The following DOC2B variants were observed in gnomAD, a reference collection of about 807,000 sequenced individuals.
DOC2B encodes the protein double C2-like domain-containing protein beta.
A neutral mutation model predicts 28.9 loss-of-function variants in DOC2B; 21 were observed. The ratio of observed to expected loss-of-function variants is 0.73; its 90% CI spans 0.52 to 1.05. The LOEUF (loss-of-function observed/expected upper bound fraction) is 1.05. Among genes scored for constraint, DOC2B ranks in the 50% least tolerant of loss-of-function variants. The probability of loss-of-function intolerance (pLI) is 0.00; values close to 1 mark genes in which losing one functional copy is unlikely to be tolerated. For missense variants in DOC2B, 384 were observed against 421.1 expected, an observed-to-expected ratio of 0.91 and a Z score of 0.77; for synonymous variants, 194 against 178.1, an observed-to-expected ratio of 1.09 and a Z score of -0.71.
At chr17:163,507 T>G (rs951499793) in intron 3 of DOC2B, 3 of 152,268 alleles carry the variant, frequency 2.0e-5, no homozygotes, top group African/African-American at 7.2e-5. Flanking sequence ...CAGAAGGAAG[T>G]CTAATTAAGT....
intron 6 of DOC2B, among the ~76,000 whole-genome samples, chr17:152,147 G>A (rs1555521863): frequency 6.6e-6 from 1 of 152,030 alleles, no homozygotes; most frequent in Non-Finnish European, 1.5e-5. Context: ...GCTTGCCTGT[G>A]GCTTTGAGAA....
At position 175,432 on chromosome 17, in the gene DOC2B, C is replaced by T. The variant is rs145376641; in HGVS notation, c.374-2816G>A. ...TGCAGCAATGAACACAGCCACAGCC[C>T]GAGATGCACCAATCTGTACTTTTGT... On this transcript the variant is annotated intron_variant, in intron 1 of 8. Coordinates refer to ENST00000613549, the MANE Select transcript of DOC2B (RefSeq NM_003585.5). 2.1e-3 allele frequency among the ~76,000 whole-genome samples: 319 copies of T among 152,314 alleles called. 3 individuals carry two copies. Among genetic ancestry groups the T allele is most frequent in the African/African-American group, 7.3e-3 (304 of 41,570 alleles).
rs996490512 is a variant in DOC2B, at chr17:150,866, A to C, written c.924-1674T>G. Among the ~76,000 whole-genome samples the C allele has an allele frequency of 2.5e-4, 38 of 152,376 alleles. 1 individual carries two copies. The East Asian group carries it at 7.3e-3, about 29-fold the overall frequency. On this transcript the variant is annotated intron_variant, in intron 6 of 8. Coordinates refer to ENST00000613549, the MANE Select transcript of DOC2B (RefSeq NM_003585.5). Reference sequence around the variant, plus strand: ...ACAAAAAGGACCAAACTCCTGGTACATGCAACTGACAGATGAATCTCAAAC... The same window carrying C: ...ACAAAAAGGACCAAACTCCTGGTACCTGCAACTGACAGATGAATCTCAAAC...
rs1360576968 is a variant in DOC2B at position 146,557 on chromosome 17, A to G, written c.*884T>C. ...ACCTTCCTAACAAACCCTCCCCTGG[A>G]GAGGAGACCCTGGGTCCACAGCACC... On this transcript the variant is annotated 3_prime_UTR_variant, in exon 9 of 9. Coordinates refer to ENST00000613549, the MANE Select transcript of DOC2B (RefSeq NM_003585.5). 1 of 152,074 alleles carries G rather than the reference A, an allele frequency of 6.6e-6. No individual in the cohort carries two copies. Among genetic ancestry groups the G allele is most frequent in the Non-Finnish European group, 1.5e-5 (1 of 68,066 alleles). 9.4% of individuals were successfully genotyped at this position (152,074 alleles called of 1,614,324 possible).
intron 1 of DOC2B, among the ~76,000 whole-genome samples, chr17:175,665 G>C (rs2040361839): frequency 6.6e-6 from 1 of 152,222 alleles, no homozygotes; most frequent in East Asian, 1.9e-4. Flanking sequence ...GTGCTCCCAG[G>C]AGCTGGGATC....
rs767090635 is a variant in DOC2B at position 159,267 on chromosome 17, G to C, written c.765+2148C>G. ...GCACTTTGGGAGGCCGAGGCAGGAGGATCACTGGAGGTCAGGAGTTTGAGA... is the reference window on the plus strand; with the variant it reads ...GCACTTTGGGAGGCCGAGGCAGGAGCATCACTGGAGGTCAGGAGTTTGAGA... On this transcript the variant is annotated intron_variant, in intron 5 of 8. Transcript: ENST00000613549. Among the ~76,000 whole-genome samples, 14 of 152,252 alleles carry C rather than the reference G, an allele frequency of 9.2e-5. 1 individual carries two copies. The highest frequency in any genetic ancestry group is 1.9e-4 in the Non-Finnish European group (13 of 68,028).
intron 6 of DOC2B, among the ~76,000 whole-genome samples, chr17:153,569 C>A (rs1229214518): frequency 6.6e-6 from 1 of 152,008 alleles, no homozygotes; most frequent in Non-Finnish European, 1.5e-5. Flanking sequence ...GGCGTGGTGG[C>A]GCATGCCTGT....
chr17:151,808 C>T (rs2040075362), intron 6 of DOC2B, among the ~76,000 whole-genome samples: 1 of 151,510 alleles, frequency 6.6e-6, no homozygotes, highest in South Asian at 2.1e-4. Flanking sequence ...TTGTGCCCAT[C>T]TGGTGACCCC....
At chr17:165,188 G>A (rs1017566244) in intron 2 of DOC2B, among the ~76,000 whole-genome samples, 3 of 152,160 alleles carry the variant, frequency 2.0e-5, no homozygotes, top group African/African-American at 7.2e-5. Flanking sequence ...GAGTTACTTT[G>A]CACGCTAAGC....
chr17:158,558 T>C (rs2040162632), intron 5 of DOC2B, among the ~76,000 whole-genome samples: 1 of 152,174 alleles, frequency 6.6e-6, no homozygotes, highest in African/African-American at 2.4e-5. Context: ...GGCTAATCGA[T>C]CCTAGCATTT....
In DOC2B at chr17:172,516, G is replaced by A. The variant is rs572918442; in HGVS notation, c.453+21C>T. 33 of 1,548,628 alleles carry A rather than the reference G, an allele frequency of 2.1e-5. 1 individual carries two copies. In the South Asian group the frequency reaches 3.9e-4, roughly 18 times the overall value. On this transcript the variant is annotated intron_variant, in intron 2 of 8. Coordinates refer to ENST00000613549, the MANE Select transcript of DOC2B (RefSeq NM_003585.5). ...GAGGACCCCGGGGCAGGGAATTTGGGGGCAGGCTGGCGGGGCCTACCTTGG... is the reference window on the plus strand; with the variant it reads ...GAGGACCCCGGGGCAGGGAATTTGGAGGCAGGCTGGCGGGGCCTACCTTGG...
Position 143,288 on chromosome 17 carries a change from G to A in DOC2B, c.*4153C>T, listed in dbSNP as rs1202333438. 2 of 150,918 alleles carry A rather than the reference G, an allele frequency of 1.3e-5. No individual in the cohort carries two copies. The highest frequency in any genetic ancestry group is 1.5e-5 in the Non-Finnish European group (1 of 67,908). The allele number at this position is 150,918 out of a possible 1,614,324, so 9.3% of individuals were successfully genotyped here. ...ACTATATCCGGAGTAGGTTTCAGTT[G>A]CCTTTTCCTCCGTCTTTCCACCCTC... On this transcript the variant is annotated 3_prime_UTR_variant, in exon 9 of 9. Coordinates refer to ENST00000613549, the MANE Select transcript of DOC2B (RefSeq NM_003585.5).
In DOC2B at chr17:147,480, C is replaced by T. The variant is rs893919692; in HGVS notation, c.1200G>A (p.Thr400=). The T allele has an allele frequency of 1.8e-5, 7 of 398,660 alleles. No individual in the cohort carries two copies. The highest frequency in any genetic ancestry group is 2.2e-5 in the Non-Finnish European group (5 of 226,166). 24.7% of individuals were successfully genotyped at this position (398,660 alleles called of 1,614,324 possible). A position where few individuals can be genotyped will look rare whatever the true frequency, so the allele number is the denominator to read the frequency against. ...NKDKRIERWH[T]LTSELPGAVL... is the part of the protein sequence containing the mutation. The stretch of plus-strand genomic sequence containing the variant: ...CAGCCCCTGGGAGCTCGCTGGTGAG[C>T]GTGTGCCAGCGCTCGATGCGCTTGT... Residue 400 remains threonine, a synonymous_variant, in exon 9 of 9, where the codon ACG becomes ACA. Coordinates refer to ENST00000613549, the MANE Select transcript of DOC2B (RefSeq NM_003585.5).
At chr17:176,404 G>A (rs978127324) in intron 1 of DOC2B, among the ~76,000 whole-genome samples, 1 of 151,672 alleles carries the variant, frequency 6.6e-6, no homozygotes, top group African/African-American at 2.4e-5. Flanking sequence ...GGGGGGTGCG[G>A]GGGGGTAGGT....
intron 6 of DOC2B, among the ~76,000 whole-genome samples, chr17:155,328 G>A (rs2040122156): frequency 6.6e-6 from 1 of 152,078 alleles, no homozygotes; most frequent in Non-Finnish European, 1.5e-5. Flanking sequence ...TATGATCATG[G>A]CCATGGGAAT....
chr17:160,443 G>A (rs750871991), intron 5 of DOC2B, among the ~76,000 whole-genome samples: 29 of 152,194 alleles, frequency 1.9e-4, no homozygotes, highest in Non-Finnish European at 3.5e-4. Flanking sequence ...AGGCTGACTC[G>A]CCCCCGGGGC....
intron 6 of DOC2B, among the ~76,000 whole-genome samples, chr17:154,133 C>G (rs1269075720): frequency 6.6e-6 from 1 of 151,322 alleles, no homozygotes; most frequent in Non-Finnish European, 1.5e-5. Flanking sequence ...CTTCTTAGGG[C>G]TGATATTCCA....
chr17:151,088 C>G (rs1349696107), intron 6 of DOC2B, among the ~76,000 whole-genome samples: 2 of 152,072 alleles, frequency 1.3e-5, no homozygotes, highest in Non-Finnish European at 2.9e-5. Context: ...CTGGGTGATA[C>G]AGCGAGACCC....
intron 2 of DOC2B, among the ~76,000 whole-genome samples, chr17:172,001 G>A (rs957280999): frequency 2.0e-5 from 3 of 151,752 alleles, no homozygotes; most frequent in African/African-American, 4.8e-5. Context: ...ACCAGCGGCC[G>A]GGCCAGGCTG....
Sources: gnomAD v4.1 joint callset for allele counts (sites outside exome capture counted in the v4.1 genomes callset) on GRCh38, gnomAD v4.1.1 for gene constraint, MANE v1.5 for transcripts, NCBI Gene and HGNC (gene_info 2026-07-23, HGNC 2026-07-21) for gene names.